The following PPHLN1 variants were observed in gnomAD, a reference collection of about 807,000 sequenced individuals.
PPHLN1 encodes the protein periphilin 1.
Under a neutral mutation model 51.3 loss-of-function variants are expected in PPHLN1, and 29 were observed. The ratio of observed to expected loss-of-function variants is 0.57; its 90% CI spans 0.42 to 0.77. PPHLN1 has a LOEUF of 0.77. Ranked by LOEUF, PPHLN1 falls within the 30% of genes least tolerant of loss-of-function variation. The pLI, the probability that PPHLN1 is intolerant of heterozygous loss-of-function variation, is 0.00. For synonymous variants in PPHLN1, 147 were observed against 147.8 expected, an observed-to-expected ratio of 0.99 and a Z score of 0.04; for missense variants, 436 against 438.4, an observed-to-expected ratio of 0.99 and a Z score of 0.05.
At chr12:42,403,761 C>T (rs2079041092) in intron 9 of PPHLN1, among the ~76,000 whole-genome samples, 1 of 152,136 alleles carries the variant, frequency 6.6e-6, no homozygotes, top group Non-Finnish European at 1.5e-5. Flanking sequence ...ACAAAAAATA[C>T]CCAGTTATAA....
At chr12:42,366,426 C>A (rs1259780119) in intron 4 of PPHLN1, among the ~76,000 whole-genome samples, 1 of 152,004 alleles carries the variant, frequency 6.6e-6, no homozygotes, top group East Asian at 1.9e-4. Context: ...CGGGGTTTCA[C>A]CATGTTGGCC....
chr12:42,419,711 T>C (rs988335111), intron 9 of PPHLN1, among the ~76,000 whole-genome samples: 1 of 152,226 alleles, frequency 6.6e-6, no homozygotes, highest in African/African-American at 2.4e-5. Flanking sequence ...AAATAACTTA[T>C]ACCTGTGGTA....
intron 9 of PPHLN1, chr12:42,400,467 C>CAAA (rs34462402): frequency 0.29 from 27,831 of 94,676 alleles, 4,257 homozygotes; most frequent in Non-Finnish European, 0.39. Flanking sequence ...GACTCCGTCT[C>CAAA]AAAAAAAAAA....
rs951157443 is a variant in PPHLN1, at chr12:42,384,976, A to G, written c.548A>G (p.Asn183Ser). 7 of 1,611,746 alleles carry G rather than the reference A, an allele frequency of 4.3e-6. No individual in the cohort carries two copies. Among genetic ancestry groups the G allele is most frequent in the East Asian group, 2.2e-5 (1 of 44,878 alleles). ...VRPGASYKRQ[N>S]EGNPERDKER... ...CCTGGTGCCTCCTACAAACGGCAGA[A>G]TGAAGGAAATCCTGAAAGAGGTGAG... Residue 183 changes from asparagine (N) to serine (S), a missense_variant, in exon 6 of 10, where the codon AAT becomes AGT. By Grantham distance (46) the Asn-to-Ser change is conservative. Coordinates refer to ENST00000358314, the MANE Select transcript of PPHLN1 (RefSeq NM_201439.2).
At chr12:42,363,884 G>T (rs1592414839) in intron 4 of PPHLN1, among the ~76,000 whole-genome samples, 1 of 152,188 alleles carries the variant, frequency 6.6e-6, no homozygotes, top group East Asian at 1.9e-4. Context: ...TTAGAATGAG[G>T]TTGTTTTCAG....
At chr12:42,353,785 T>C (rs2073697819) in intron 3 of PPHLN1, among the ~76,000 whole-genome samples, 1 of 152,226 alleles carries the variant, frequency 6.6e-6, no homozygotes, top group Non-Finnish European at 1.5e-5. Context: ...TTTCTATTCA[T>C]TGGACCAGTT....
At chr12:42,355,438 AT>A (rs1194756860) in intron 4 of PPHLN1, 4 of 438,202 alleles carry the variant, frequency 9.1e-6, no homozygotes, top group East Asian at 4.4e-5. Flanking sequence ...TCATAAAAAA[AT>A]ATTTAAAAAT....
chr12:42,446,009 A>G, downstream of PPHLN1: 1 of 1,540,520 alleles, frequency 6.5e-7, no homozygotes, highest in Non-Finnish European at 8.8e-7. Context: ...ATCAAACCAT[A>G]CCATAGTGGG....
intron 9 of PPHLN1, among the ~76,000 whole-genome samples, chr12:42,425,674 A>G (rs2081395454): frequency 6.6e-6 from 1 of 152,350 alleles, no homozygotes; most frequent in African/African-American, 2.4e-5. Context: ...GGCGTGAGCC[A>G]CTGTGCCCAG....
chr12:42,405,027 AAAAAAT>A (rs1378596435), intron 9 of PPHLN1, among the ~76,000 whole-genome samples: 99 of 152,312 alleles, frequency 6.5e-4, no homozygotes, highest in African/African-American at 2.3e-3. Flanking sequence ...ACTCCGTCTA[AAAAAAT>A]AAAAATAAAA....
At chr12:42,366,502 C>CA (rs1423859095) in intron 4 of PPHLN1, among the ~76,000 whole-genome samples, 3 of 152,068 alleles carry the variant, frequency 2.0e-5, no homozygotes, top group Non-Finnish European at 4.4e-5. Context: ...GCTGGGATTA[C>CA]AGGTGTGAGC....
chr12:42,374,607 A>T (rs1427867610), intron 4 of PPHLN1: 32 of 160,304 alleles, frequency 2.0e-4, no homozygotes, highest in South Asian at 3.7e-4. Context: ...CGCCCAGCTA[A>T]TTTTTTTTTT....
chr12:42,336,059 T>C, intron 2 of PPHLN1, 85 bp downstream of exon 2: 1 of 806,754 alleles, frequency 1.2e-6, no homozygotes, highest in Non-Finnish European at 1.8e-6. Context: ...ATTAACAAAA[T>C]CTTCAAGTGT....
At chr12:42,363,231 ACT>A (rs2074898031) in intron 4 of PPHLN1, among the ~76,000 whole-genome samples, 1 of 152,124 alleles carries the variant, frequency 6.6e-6, no homozygotes, top group African/African-American at 2.4e-5. Context: ...CAGTATCATC[ACT>A]GTGTTTGTTC....
intron 9 of PPHLN1, 104 bp downstream of exon 9, chr12:42,399,098 C>G (rs187483907): frequency 1.3e-6 from 2 of 1,486,096 alleles, no homozygotes; most frequent in East Asian, 2.3e-5. Context: ...CCACCTGTAA[C>G]TCTAAAACTA....
Position 42,432,353 on chromosome 12 carries a change from A to G in PPHLN1, c.910-8962A>G, listed in dbSNP as rs1470242434. On this transcript the variant is annotated intron_variant, in intron 9 of 9. Transcript: ENST00000358314. ...TAGGCATTCCATTCTTAGCTGTTCT[A>G]CTTCCTTTAGATAAGCAATATGGTA... 4.0e-6 allele frequency: 3 copies of G among 741,034 alleles called. No individual in the cohort carries two copies. The African/African-American group carries it at 5.2e-5, about 13-fold the overall frequency. 45.9% of individuals were successfully genotyped at this position (741,034 alleles called of 1,614,324 possible). A position where few individuals can be genotyped will look rare whatever the true frequency, so the allele number is the denominator to read the frequency against.
At chr12:42,357,665 A>G (rs1458442808) in intron 4 of PPHLN1, among the ~76,000 whole-genome samples, 3 of 152,334 alleles carry the variant, frequency 2.0e-5, no homozygotes, top group African/African-American at 7.2e-5. Flanking sequence ...CTAGTGGCTT[A>G]TCTTTCTCCT....
At chr12:42,407,851 A>C (rs1235103527) in intron 9 of PPHLN1, among the ~76,000 whole-genome samples, 2 of 152,190 alleles carry the variant, frequency 1.3e-5, no homozygotes, top group Non-Finnish European at 2.9e-5. Flanking sequence ...AAAATTCAGT[A>C]CATGTTCAGT....
chr12:42,349,271 T>G (rs2072839819), intron 2 of PPHLN1, among the ~76,000 whole-genome samples: 1 of 152,224 alleles, frequency 6.6e-6, no homozygotes, highest in Admixed American at 6.5e-5. Context: ...ACTAAACACT[T>G]TGCATTCCAT....
Sources: allele counts gnomAD v4.1 joint callset (sites outside exome capture counted in the v4.1 genomes callset), GRCh38; gene constraint gnomAD v4.1.1; transcripts MANE v1.5; gene names NCBI Gene and HGNC (gene_info 2026-07-23, HGNC 2026-07-21).